YWHAQ: variants seen among roughly 807,000 people sequenced by gnomAD.
The protein encoded by YWHAQ is 14-3-3 protein theta.
In YWHAQ, 6 loss-of-function variants were observed where a neutral mutation model predicts 28.3. That is an observed-to-expected ratio of 0.21 (90% confidence interval 0.12 to 0.42). YWHAQ has a LOEUF of 0.42. Among genes scored for constraint, YWHAQ ranks in the 10% least tolerant of loss-of-function variants. The pLI is 1.00. For missense variants in YWHAQ, 201 were observed against 305.6 expected (o/e 0.66, Z 2.55); for synonymous variants, 143 against 119.1 (o/e 1.20, Z -1.31).
intron 2 of YWHAQ, among the ~76,000 whole-genome samples, chr2:9,609,874 T>A (rs1666910398): frequency 6.6e-6 from 1 of 152,138 alleles, no homozygotes; most frequent in Admixed American, 6.5e-5. Context: ...TAAAAGAAAC[T>A]TTTTTAGAGT....
At chr2:9,608,042 A>G (rs1287714402) in intron 2 of YWHAQ, among the ~76,000 whole-genome samples, 2 of 152,140 alleles carry the variant, frequency 1.3e-5, no homozygotes, top group Non-Finnish European at 2.9e-5. Flanking sequence ...AAAGAGCAGT[A>G]TATCAGATTA....
At chr2:9,591,895 TG>T (rs557768682) in intron 2 of YWHAQ, among the ~76,000 whole-genome samples, 22 of 152,346 alleles carry the variant, frequency 1.4e-4, no homozygotes, top group African/African-American at 5.3e-4. Flanking sequence ...GCTCACCGTC[TG>T]TAAGTACACC....
At chr2:9,595,507 C>T (rs1666550865) in intron 2 of YWHAQ, among the ~76,000 whole-genome samples, 1 of 151,870 alleles carries the variant, frequency 6.6e-6, no homozygotes, top group African/African-American at 2.4e-5. Flanking sequence ...GAGTTCAAGA[C>T]CAGCCTGACC....
intron 2 of YWHAQ, among the ~76,000 whole-genome samples, chr2:9,624,601 T>C (rs1017443583): frequency 1.3e-5 from 2 of 152,152 alleles, no homozygotes; most frequent in Non-Finnish European, 2.9e-5. Flanking sequence ...CTCTACCCAC[T>C]AGACGTGAGC....
chr2:9,593,489 G>A (rs1370481895), intron 2 of YWHAQ, among the ~76,000 whole-genome samples: 1 of 151,990 alleles, frequency 6.6e-6, no homozygotes, highest in Non-Finnish European at 1.5e-5. Context: ...GATTACAGGC[G>A]TGAGCCACTG....
chr2:9,605,014 C>T (rs978574239), intron 2 of YWHAQ, among the ~76,000 whole-genome samples: 5 of 152,052 alleles, frequency 3.3e-5, no homozygotes, highest in African/African-American at 1.2e-4. Flanking sequence ...GAATTTCATA[C>T]AGAATACTAC....
At position 9,591,529 on chromosome 2, in the gene YWHAQ, G is replaced by A. The variant is rs1188838608; in HGVS notation, c.295-14C>T. The stretch of plus-strand genomic sequence containing the variant: ...ATCCAACAATTCCTGAAATAAATAA[G>A]ACAGAACATTAGGCACTAAACTTCT... On this transcript the variant is annotated splice_polypyrimidine_tract_variant and intron_variant, in intron 2 of 5. Coordinates refer to ENST00000238081, the MANE Select transcript of YWHAQ (RefSeq NM_006826.4). The A allele has an allele frequency of 4.4e-6, 7 of 1,599,032 alleles. No individual in the cohort carries two copies. The East Asian group carries it at 1.3e-4, about 31-fold the overall frequency.
intron 2 of YWHAQ, among the ~76,000 whole-genome samples, chr2:9,602,924 T>C (rs1293436041): frequency 7.6e-6 from 1 of 131,290 alleles, no homozygotes; most frequent in Non-Finnish European, 1.6e-5. Context: ...AGTCTTGCTA[T>C]GTTGCCTAGG....
chr2:9,618,667 T>C (rs977386343), intron 2 of YWHAQ, among the ~76,000 whole-genome samples: 8 of 149,294 alleles, frequency 5.4e-5, no homozygotes, highest in African/African-American at 2.0e-4. Flanking sequence ...CCCCAGCCAC[T>C]GTTTTGATTT....
At chr2:9,600,575 C>T (rs1666672713) in intron 2 of YWHAQ, among the ~76,000 whole-genome samples, 1 of 151,988 alleles carries the variant, frequency 6.6e-6, no homozygotes, top group South Asian at 2.1e-4. Context: ...TGTGGTGGTG[C>T]ATGCCTGTAA....
chr2:9,611,723 T>C (rs1666951379), intron 2 of YWHAQ, among the ~76,000 whole-genome samples: 1 of 152,212 alleles, frequency 6.6e-6, no homozygotes, highest in Non-Finnish European at 1.5e-5. Context: ...GAGGCTGGAA[T>C]GCAGTGGTGC....
rs117828900 is a variant in YWHAQ at position 9,624,714 on chromosome 2, C to T, written c.294+5445G>A. 1.2e-3 allele frequency among the ~76,000 whole-genome samples: 177 copies of T among 151,914 alleles called. 2 individuals carry two copies. The East Asian group carries it at 0.028, about 24-fold the overall frequency. On this transcript the variant is annotated intron_variant, in intron 2 of 5. Coordinates refer to ENST00000238081, the MANE Select transcript of YWHAQ (RefSeq NM_006826.4). ...GGTAAAATCACCTGGTTGAGTGACACGAACCTAACCTTAAACTTACAATAT... is the reference window on the plus strand; with the variant it reads ...GGTAAAATCACCTGGTTGAGTGACATGAACCTAACCTTAAACTTACAATAT...
At chr2:9,605,339 A>G (rs1463535820) in intron 2 of YWHAQ, among the ~76,000 whole-genome samples, 1 of 151,702 alleles carries the variant, frequency 6.6e-6, no homozygotes, top group African/African-American at 2.4e-5. Context: ...GGGTTTTGCC[A>G]TTTTACCCAG....
intron 2 of YWHAQ, among the ~76,000 whole-genome samples, chr2:9,618,515 T>C (rs746103708): frequency 3.2e-4 from 48 of 152,142 alleles, no homozygotes; most frequent in Non-Finnish European, 4.1e-4. Flanking sequence ...TTTGTTTCAT[T>C]TTCTTTTTTG....
chr2:9,602,613 C>T (rs1666715340), intron 2 of YWHAQ, among the ~76,000 whole-genome samples: 1 of 151,106 alleles, frequency 6.6e-6, no homozygotes. Context: ...GCAGTGATCA[C>T]AGCTTACTGC....
chr2:9,606,353 C>T (rs13020163), intron 2 of YWHAQ, among the ~76,000 whole-genome samples: 23,949 of 152,170 alleles, frequency 0.16, 2,488 homozygotes, highest in Middle Eastern at 0.25. Context: ...ACTGCCTGAG[C>T]TCAGGAGTTT....
At position 9,588,323 on chromosome 2, in the gene YWHAQ, T is replaced by C. The variant is rs759450776; in HGVS notation, c.424A>G (p.Ile142Val). Residue 142 changes from isoleucine to valine, a missense_variant, in exon 4 of 6, where the codon ATA becomes GTA. Ile to Val is a conservative substitution (Grantham distance 29). This residue lies in a region of YWHAQ where 162 missense variants were observed against 213.9 expected (regional missense o/e 0.76). Coordinates refer to ENST00000238081, the MANE Select transcript of YWHAQ (RefSeq NM_006826.4). ...TGGTAAGCTCCTTGGGAATTATCTA[T>C]CGTTTCTGTGAAGAGCGAAAAATAA... ...VACGDDRKQT[I>V]DNSQGAYQEA... The C allele has an allele frequency of 6.2e-7, 1 of 1,608,372 alleles. No individual in the cohort carries two copies. Among genetic ancestry groups the C allele is most frequent in the Middle Eastern group, 1.7e-4 (1 of 6,042 alleles).
chr2:9,628,520 T>C (rs1667291523), intron 2 of YWHAQ, among the ~76,000 whole-genome samples: 1 of 152,258 alleles, frequency 6.6e-6, no homozygotes, highest in South Asian at 2.1e-4. Flanking sequence ...TGATTCTGAA[T>C]TGCTTCAAGG....
intron 2 of YWHAQ, among the ~76,000 whole-genome samples, chr2:9,626,710 C>A (rs1188949063): frequency 6.6e-6 from 1 of 152,358 alleles, no homozygotes; most frequent in South Asian, 2.1e-4. Context: ...GGATTACAGG[C>A]ATGAGCCACC....
Sources: gnomAD v4.1 joint callset for allele counts (sites outside exome capture counted in the v4.1 genomes callset) on GRCh38, gnomAD v4.1.1 for gene constraint, gnomAD v4.1.1 regional missense constraint, MANE v1.5 for transcripts, NCBI Gene and HGNC (gene_info 2026-07-23, HGNC 2026-07-21) for gene names.